Variants in TRIM2 observed in about 807,000 individuals in gnomAD.
The protein encoded by TRIM2 is tripartite motif-containing protein 2.
In TRIM2, 20 loss-of-function variants were observed where a neutral mutation model predicts 75.2. The ratio of observed to expected loss-of-function variants is 0.27; its 90% CI spans 0.19 to 0.39. TRIM2 has a LOEUF of 0.39. Among genes scored for constraint, TRIM2 ranks in the 10% least tolerant of loss-of-function variants. The pLI is 1.00. For missense variants in TRIM2, 660 were observed against 990.8 expected, an observed-to-expected ratio of 0.67 and a Z score of 4.48; for synonymous variants, 373 against 388.3, an observed-to-expected ratio of 0.96 and a Z score of 0.46.
At chr4:153,219,715 A>C (rs1489030242) in intron 1 of TRIM2, among the ~76,000 whole-genome samples, 1 of 152,094 alleles carries the variant, frequency 6.6e-6, no homozygotes, top group Non-Finnish European at 1.5e-5. Context: ...GAAAAATATA[A>C]AAATTAGCCA....
chr4:153,262,418 G>A (rs1345968256), intron 1 of TRIM2, among the ~76,000 whole-genome samples: 2 of 152,208 alleles, frequency 1.3e-5, no homozygotes, highest in East Asian at 3.8e-4. Flanking sequence ...CAAAACTTGT[G>A]GAGCCAGTTT....
At chr4:153,281,354 G>A (rs553407664) in intron 3 of TRIM2, among the ~76,000 whole-genome samples, 111 of 152,304 alleles carry the variant, frequency 7.3e-4, no homozygotes, top group African/African-American at 2.3e-3. Context: ...TAGCTAGAGC[G>A]GAAGATAAAG....
Position 153,322,808 on chromosome 4 carries a change from A to T in TRIM2, c.1943A>T (p.Gln648Leu). The T allele has an allele frequency of 6.2e-7, 1 of 1,614,202 alleles. No individual in the cohort carries two copies. The highest frequency in any genetic ancestry group is 8.5e-7 in the Non-Finnish European group (1 of 1,180,032). Reference sequence around the variant, plus strand: ...GGTAGCCGAGGAAATGGGGACAGGCAGTTTGCAGGTACACTCGATGGTAAT... The same window carrying T: ...GGTAGCCGAGGAAATGGGGACAGGCTGTTTGCAGGTACACTCGATGGTAAT... ...RFGSRGNGDR[Q>L]FAGPHFAAVN... Residue 648 changes from glutamine (Q) to leucine (L), a missense_variant, in exon 9 of 12, where the codon CAG becomes CTG. By Grantham distance (113) the Gln-to-Leu change is moderately radical. Around this residue, in one of 2 missense-constraint regions of TRIM2, gnomAD observed 620 missense variants for 891.0 expected, o/e 0.70. Transcript: ENST00000338700.
upstream of TRIM2, among the ~76,000 whole-genome samples, chr4:153,203,891 C>CAATAAATAAATAAATAAATA (rs56292904): frequency 6.6e-6 from 1 of 151,100 alleles, no homozygotes; most frequent in African/African-American, 2.4e-5. Context: ...GACTCCATCT[C>CAATAAATAAATAAATAAATA]AATAAATAAA....
At chr4:153,280,576 G>T (rs1303418737) in intron 3 of TRIM2, among the ~76,000 whole-genome samples, 3 of 151,814 alleles carry the variant, frequency 2.0e-5, no homozygotes, top group African/African-American at 7.3e-5. Context: ...GTTGAGAAAA[G>T]GTCTTATGTT....
chr4:153,307,444 A>T (rs1765259129), intron 6 of TRIM2, among the ~76,000 whole-genome samples: 1 of 151,736 alleles, frequency 6.6e-6, no homozygotes, highest in Non-Finnish European at 1.5e-5. Flanking sequence ...ACAGGAAAAA[A>T]ATATATATTT....
chr4:153,180,766 C>T (rs1225870946), intron 1 of TRIM2, among the ~76,000 whole-genome samples: 1 of 152,262 alleles, frequency 6.6e-6, no homozygotes, highest in Non-Finnish European at 1.5e-5. Flanking sequence ...GCCTGAGCCA[C>T]AGCACCTGGC....
At chr4:153,321,703 G>C (rs1023508267) in intron 8 of TRIM2, among the ~76,000 whole-genome samples, 1 of 152,090 alleles carries the variant, frequency 6.6e-6, no homozygotes, top group Non-Finnish European at 1.5e-5. Flanking sequence ...TCCCGCCCAA[G>C]GAGAACTTAA....
At chr4:153,331,938 C>T (rs1481205704) in intron 11 of TRIM2, among the ~76,000 whole-genome samples, 1 of 152,068 alleles carries the variant, frequency 6.6e-6, no homozygotes, top group Non-Finnish European at 1.5e-5. Context: ...CAACTAAGAC[C>T]ACCACAGAGG....
intron 1 of TRIM2, among the ~76,000 whole-genome samples, chr4:153,239,653 C>T (rs1028180335): frequency 6.6e-6 from 1 of 151,994 alleles, no homozygotes; most frequent in Non-Finnish European, 1.5e-5. Flanking sequence ...TGGCCTGCAC[C>T]AGGTTTTCTT....
chr4:153,262,853 C>T (rs1753915177), intron 1 of TRIM2, among the ~76,000 whole-genome samples: 1 of 152,208 alleles, frequency 6.6e-6, no homozygotes, highest in Admixed American at 6.5e-5. Context: ...ATGGAGTCAC[C>T]TATGTCAGAT....
intron 2 of TRIM2, 21 bp downstream of exon 2, chr4:153,270,540 G>A: frequency 1.3e-6 from 2 of 1,577,662 alleles, no homozygotes; most frequent in Non-Finnish European, 8.6e-7. Context: ...TTTGTGCTTG[G>A]AGAAGGGAGT....
intron 8 of TRIM2, among the ~76,000 whole-genome samples, chr4:153,317,241 A>G (rs1297014716): frequency 1.3e-5 from 2 of 151,846 alleles, no homozygotes; most frequent in Admixed American, 6.6e-5. Flanking sequence ...TGTTGATAAC[A>G]TGAGTTTTAA....
chr4:153,308,404 G>T, intron 6 of TRIM2: 1 of 865,948 alleles, frequency 1.2e-6, no homozygotes, highest in Non-Finnish European at 2.0e-6. Context: ...TTGGTTCCCA[G>T]CCCCTTCATG....
At chr4:153,232,833 T>C (rs996335980) in intron 1 of TRIM2, among the ~76,000 whole-genome samples, 4 of 152,196 alleles carry the variant, frequency 2.6e-5, no homozygotes, top group Admixed American at 6.5e-5. Flanking sequence ...TCAGGGTTTC[T>C]GGCCCTGGGA....
chr4:153,166,792 A>G lies in TRIM2; in HGVS notation c.-49+13522A>G, dbSNP rs540134576. Reference sequence around the variant, plus strand: ...CTAAGAATACTTCTGCTTTGGGTAAATAAAAGTGACTTCCACCATTCTAGG... The same window carrying G: ...CTAAGAATACTTCTGCTTTGGGTAAGTAAAAGTGACTTCCACCATTCTAGG... On this transcript the variant is annotated intron_variant, in intron 1 of 11. Transcript: ENST00000437508. 7.9e-5 allele frequency among the ~76,000 whole-genome samples: 12 copies of G among 152,282 alleles called. No homozygotes were observed. In the South Asian group the frequency reaches 8.3e-4, roughly 11 times the overall value.
chr4:153,275,959 C>G lies in TRIM2; in HGVS notation c.282C>G (p.Ser94=), dbSNP rs1190110289. Residue 94 remains serine, a synonymous_variant, in exon 3 of 12, where the codon TCC becomes TCG. Coordinates refer to ENST00000338700, the MANE Select transcript of TRIM2 (RefSeq NM_015271.5). ...CCTGCCCAGTGTGCCGCCAGACCTC[C>G]ATCCTGCCCGAGAAAGGGGTGGCCG... ...TLSCPVCRQT[S]ILPEKGVAAL... 1 of 1,614,206 alleles carries G rather than the reference C, an allele frequency of 6.2e-7. No individual in the cohort carries two copies. Among genetic ancestry groups the G allele is most frequent in the African/African-American group, 1.3e-5 (1 of 75,046 alleles).
chr4:153,199,140 G>A (rs960167789), intron 1 of TRIM2, among the ~76,000 whole-genome samples: 1 of 152,178 alleles, frequency 6.6e-6, no homozygotes, highest in Non-Finnish European at 1.5e-5. Flanking sequence ...ATGTGAAACA[G>A]CTTTGTCAGA....
At chr4:153,270,628 C>T in intron 2 of TRIM2, 109 bp downstream of exon 2, 1 of 957,242 alleles carries the variant, frequency 1.0e-6, no homozygotes, top group Non-Finnish European at 1.5e-6. Flanking sequence ...GAAAACTAAT[C>T]TCTTGTGCTT....
Sources: allele counts gnomAD v4.1 joint callset (sites outside exome capture counted in the v4.1 genomes callset), GRCh38; gene constraint gnomAD v4.1.1; regional missense constraint gnomAD v4.1.1; transcripts MANE v1.5; gene names NCBI Gene and HGNC (gene_info 2026-07-23, HGNC 2026-07-21).